The following CCDC181 variants were observed in gnomAD, a reference collection of about 807,000 sequenced individuals.
CCDC181 encodes the protein coiled-coil domain containing 181, also known as coiled-coil domain-containing protein 181.
CCDC181 carries 35 observed loss-of-function variants against 58.7 expected under a neutral mutation model. That is an observed-to-expected ratio of 0.60 (90% confidence interval 0.46 to 0.79). CCDC181 has a LOEUF of 0.79. Among genes scored for constraint, CCDC181 ranks in the 30% least tolerant of loss-of-function variants. CCDC181 has a pLI of 0.00. For synonymous variants in CCDC181, 183 were observed against 197.5 expected, an observed-to-expected ratio of 0.93 and a Z score of 0.62; for missense variants, 517 against 583.9, an observed-to-expected ratio of 0.89 and a Z score of 1.18.
chr1:169,419,220 A>C (rs1437290614), intron 3 of CCDC181, 61 bp from the exon 4 acceptor site: 1 of 1,437,552 alleles, frequency 7.0e-7, no homozygotes, highest in East Asian at 2.4e-5. Flanking sequence ...GAGTTATCAG[A>C]GTAGAGAGAT....
chr1:169,442,894 T>A (rs1657273027), intron 2 of CCDC181: 1 of 151,974 alleles, frequency 6.6e-6, no homozygotes, highest in African/African-American at 2.4e-5. Flanking sequence ...AATATTGTAG[T>A]CAGGTTAAAG....
intron 4 of CCDC181, among the ~76,000 whole-genome samples, chr1:169,411,973 C>G (rs576145706): frequency 6.6e-6 from 1 of 152,228 alleles, no homozygotes; most frequent in East Asian, 1.9e-4. Context: ...TGGCATAAGA[C>G]AAGGATGCCC....
rs77000127 is a variant in CCDC181, at chr1:169,439,557, C to T, written c.-23-14607G>A. Among the ~76,000 whole-genome samples, 1,472 of 152,146 alleles carry T rather than the reference C, an allele frequency of 9.7e-3. 24 individuals are homozygous for T. Among genetic ancestry groups the T allele is most frequent in the African/African-American group, 0.034 (1,395 of 41,512 alleles). Reference sequence around the variant, plus strand: ...GCAGGTGCAGGAGCCAGGGCGAGCACGTTTGGTCTCAGGACTCACAGTAGC... The same window carrying T: ...GCAGGTGCAGGAGCCAGGGCGAGCATGTTTGGTCTCAGGACTCACAGTAGC... On this transcript the variant is annotated intron_variant, in intron 2 of 6. Transcript: ENST00000545005.
chr1:169,395,368 C>G (rs1352108920), intron 5 of CCDC181, among the ~76,000 whole-genome samples, 162 bp from the exon 6 acceptor site: 1 of 152,172 alleles, frequency 6.6e-6, no homozygotes, highest in African/African-American at 2.4e-5. Flanking sequence ...AAAGATTACA[C>G]CCAAGGCTCA....
At chr1:169,443,572 A>G (rs559331806) in intron 2 of CCDC181, among the ~76,000 whole-genome samples, 1 of 152,276 alleles carries the variant, frequency 6.6e-6, no homozygotes, top group South Asian at 2.1e-4. Context: ...CCTTGAAAAT[A>G]TCTACCCATA....
intron 2 of CCDC181, among the ~76,000 whole-genome samples, chr1:169,444,681 G>A (rs928116954): frequency 6.6e-6 from 1 of 151,894 alleles, no homozygotes; most frequent in Non-Finnish European, 1.5e-5. Flanking sequence ...CTTGAATACC[G>A]CATGTCTTGT....
chr1:169,445,522 A>G (rs535785422), intron 2 of CCDC181, among the ~76,000 whole-genome samples: 4 of 152,172 alleles, frequency 2.6e-5, no homozygotes, highest in Non-Finnish European at 5.9e-5. Context: ...CTTTTTGTAC[A>G]TTGGTGGATT....
intron 3 of CCDC181, 133 bp from the exon 4 acceptor site, chr1:169,419,292 C>G (rs1202614719): frequency 6.2e-6 from 7 of 1,121,350 alleles, no homozygotes. Flanking sequence ...AAAACTGGTC[C>G]TTCTAGGCCA....
chr1:169,457,065 A>G (rs1040292186), intron 2 of CCDC181, among the ~76,000 whole-genome samples: 1 of 152,108 alleles, frequency 6.6e-6, no homozygotes, highest in Non-Finnish European at 1.5e-5. Flanking sequence ...CAGTAATTTC[A>G]TTACTGTTGC....
At chr1:169,436,592 AT>A (rs1292397609) in intron 2 of CCDC181, among the ~76,000 whole-genome samples, 2 of 152,128 alleles carry the variant, frequency 1.3e-5, no homozygotes, top group Admixed American at 6.5e-5. Flanking sequence ...CTAAAAGAAA[AT>A]TTTTTTGTCT....
At chr1:169,414,875 A>G (rs896210596) in intron 4 of CCDC181, among the ~76,000 whole-genome samples, 22 of 152,232 alleles carry the variant, frequency 1.4e-4, no homozygotes, top group Non-Finnish European at 1.5e-5. Flanking sequence ...CAGCTTGAGT[A>G]GAGACAAAGC....
In CCDC181 at chr1:169,419,030, CA is replaced by C; in HGVS notation, c.1197del (p.Ile399MetfsTer4). ...EMRRIQRAKE[I>X]EDMNSRQENR... ...TTACTTACTCTACTGTTCATGTCTTCAATTTCCTTTGCTCGCTGAATTCTCC... is the reference window on the plus strand; with the variant it reads ...TTACTTACTCTACTGTTCATGTCTTCATTTCCTTTGCTCGCTGAATTCTCC... On this transcript the variant is annotated frameshift_variant, in exon 4 of 6. Transcript: ENST00000367806. LOFTEE classifies it high-confidence loss of function. 1 of 1,613,438 alleles carries C rather than the reference CA, an allele frequency of 6.2e-7. No individual in the cohort carries two copies. Among genetic ancestry groups the C allele is most frequent in the Non-Finnish European group, 8.5e-7 (1 of 1,179,770 alleles).
intron 2 of CCDC181, among the ~76,000 whole-genome samples, chr1:169,448,689 G>A (rs888969143): frequency 9.2e-5 from 14 of 151,968 alleles, no homozygotes; most frequent in African/African-American, 3.1e-4. Context: ...TTCTGGATCT[G>A]TTGTTTCCTG....
At chr1:169,419,962 G>T (rs184441304) in intron 3 of CCDC181, among the ~76,000 whole-genome samples, 1 of 152,180 alleles carries the variant, frequency 6.6e-6, no homozygotes, top group Admixed American at 6.5e-5. Context: ...AGTACTTGAA[G>T]ACCATGCCTT....
intron 5 of CCDC181, chr1:169,395,756 A>C (rs1378320106): frequency 6.6e-6 from 1 of 152,196 alleles, no homozygotes; most frequent in Non-Finnish European, 1.5e-5. Context: ...CAAGTCTTAA[A>C]CCTTGTTTAA....
At position 169,421,875 on chromosome 1, in the gene CCDC181, GTT is replaced by G. The variant is rs774173061; in HGVS notation, c.554_555del (p.Lys185ThrfsTer9). 1.2e-6 allele frequency: 2 copies of G among 1,613,886 alleles called. No homozygotes were observed. Among genetic ancestry groups the G allele is most frequent in the South Asian group, 2.2e-5 (2 of 91,076 alleles). On this transcript the variant is annotated frameshift_variant, in exon 3 of 6. Transcript: ENST00000367806. LOFTEE classifies it high-confidence loss of function. Reference sequence around the variant, plus strand: ...TCATTGGAAATACATAATTGTGACAGTTTCCCAAACATATTCCTTTCGTTTTC... The same window carrying G: ...TCATTGGAAATACATAATTGTGACAGTCCCAAACATATTCCTTTCGTTTTC... ...YFENERNMFG[K>X]LSQLCISNDF... is the part of the protein sequence containing the mutation.
intron 4 of CCDC181, among the ~76,000 whole-genome samples, chr1:169,414,849 A>T: frequency 6.6e-6 from 1 of 152,200 alleles, no homozygotes; most frequent in East Asian, 1.9e-4. Flanking sequence ...ATCAACTACC[A>T]AATTGTGCTA....
Position 169,421,678 on chromosome 1 carries a change from G to T in CCDC181, c.753C>A (p.Asp251Glu), listed in dbSNP as rs772806767. Residue 251 changes from aspartate (D) to glutamate (E), a missense_variant, in exon 3 of 6, where the codon GAC becomes GAA. Physicochemically the swap from Asp to Glu is conservative, Grantham distance 45. Coordinates refer to ENST00000367806, the MANE Select transcript of CCDC181 (RefSeq NM_001300969.2). ...AAGATCTGGGTAACAACTGCTGAGG[G>T]TCATTTTCTGTACTATTTGCATTAT... ...PINNANSTEN[D>E]PQQLLPRSSN... is the part of the protein sequence containing the mutation. 1.9e-6 allele frequency: 3 copies of T among 1,613,988 alleles called. No homozygotes were observed. The highest frequency in any genetic ancestry group is 2.5e-6 in the Non-Finnish European group (3 of 1,179,992).
In CCDC181 at chr1:169,449,317, T is replaced by C. The variant is rs549012976; in HGVS notation, c.-24+10480A>G. Among the ~76,000 whole-genome samples, 98 of 152,342 alleles carry C rather than the reference T, an allele frequency of 6.4e-4. No homozygotes were observed. The Middle Eastern group carries it at 0.01, about 16-fold the overall frequency. On this transcript the variant is annotated intron_variant, in intron 2 of 6. Transcript: ENST00000545005. ...TGGCTAGGAGGTGGGTTGTATTTGA[T>C]GTTTGCTGAAGTTGCACATGCCATA... is the stretch of plus-strand genomic sequence containing the variant.
Sources: gnomAD v4.1 joint callset for allele counts (sites outside exome capture counted in the v4.1 genomes callset) on GRCh38, gnomAD v4.1.1 for gene constraint, MANE v1.5 for transcripts, NCBI Gene and HGNC (gene_info 2026-07-23, HGNC 2026-07-21) for gene names.